Variants in UTS2B observed in about 807,000 individuals in gnomAD.
UTS2B encodes the protein urotensin 2B.
A neutral mutation model predicts 19.2 loss-of-function variants in UTS2B; 21 were observed. The ratio of observed to expected loss-of-function variants is 1.09; its 90% CI spans 0.78 to 1.58. The LOEUF is 1.58. UTS2B is among the 40% of genes most tolerant of loss of function. UTS2B has a pLI of 0.00. For missense variants in UTS2B, 138 were observed against 130.3 expected (o/e 1.06, Z -0.29); for synonymous variants, 57 against 50.2 (o/e 1.14, Z -0.58).
At chr3:191,314,923 A>ATCT (rs1334308568) in intron 3 of UTS2B, among the ~76,000 whole-genome samples, 5 of 152,082 alleles carry the variant, frequency 3.3e-5, no homozygotes, top group African/African-American at 1.2e-4. Flanking sequence ...TACGCATCTC[A>ATCT]TCTCTTCACC....
chr3:191,309,931 G>T (rs1480290223), intron 3 of UTS2B, among the ~76,000 whole-genome samples: 2 of 151,694 alleles, frequency 1.3e-5, no homozygotes, highest in Non-Finnish European at 2.9e-5. Flanking sequence ...CCAGTCTTGA[G>T]AATTTTTTTT....
At chr3:191,293,052 A>G (rs144642666) in intron 4 of UTS2B, among the ~76,000 whole-genome samples, 24 of 152,084 alleles carry the variant, frequency 1.6e-4, no homozygotes, top group African/African-American at 5.1e-4. Flanking sequence ...AATATGTTGT[A>G]TAACATTGAT....
intron 7 of UTS2B, 51 bp downstream of exon 7, chr3:191,276,756 T>G (rs1321118671): frequency 3.4e-6 from 5 of 1,481,610 alleles, no homozygotes; most frequent in Admixed American, 1.9e-5. Context: ...AAGAAGAAAT[T>G]TCCTTATAAT....
intron 8 of UTS2B, among the ~76,000 whole-genome samples, chr3:191,270,768 A>C (rs1158228085): frequency 6.6e-6 from 1 of 152,178 alleles, no homozygotes. Context: ...TACTGGATCT[A>C]TCATAGTGAA....
intron 4 of UTS2B, among the ~76,000 whole-genome samples, chr3:191,299,525 TG>T (rs1205926238): frequency 1.3e-5 from 2 of 152,274 alleles, no homozygotes; most frequent in East Asian, 3.8e-4. Flanking sequence ...AACCTGTGGG[TG>T]CACAGAGTGC....
At chr3:191,291,943 A>G (rs901528079) in intron 4 of UTS2B, among the ~76,000 whole-genome samples, 1 of 152,108 alleles carries the variant, frequency 6.6e-6, no homozygotes, top group African/African-American at 2.4e-5. Flanking sequence ...ATTTTATTCC[A>G]TTGACCAATT....
rs140042223 is a variant in UTS2B, at chr3:191,325,043, C to G, written c.-586+3588G>C. 6.4e-3 allele frequency among the ~76,000 whole-genome samples: 931 copies of G among 145,614 alleles called. 10 individuals carry two copies. The highest frequency in any genetic ancestry group is 0.021 in the African/African-American group (869 of 40,472). On this transcript the variant is annotated intron_variant, in intron 2 of 8. Coordinates refer to ENST00000340524, the MANE Select transcript of UTS2B (RefSeq NM_198152.5). ...CCAGCCTCAGTGACACAGTGAGACT[C>G]CATCTCAGGAAAAAAAAATAATATT...
the UTS2B span, among the ~76,000 whole-genome samples, chr3:191,345,105 G>A: frequency 3.9e-5 from 6 of 152,222 alleles, no homozygotes; most frequent in African/African-American, 1.4e-4. Context: ...GTTATGGGAT[G>A]TTTCTTGAGA....
chr3:191,324,520 T>G (rs1168844079), intron 2 of UTS2B, among the ~76,000 whole-genome samples: 1 of 152,068 alleles, frequency 6.6e-6, no homozygotes, highest in Non-Finnish European at 1.5e-5. Flanking sequence ...AGTGAATAAG[T>G]GTCATGAAAT....
chr3:191,295,658 TCAACCATGTCA>T (rs957902179), intron 4 of UTS2B, among the ~76,000 whole-genome samples: 2 of 151,982 alleles, frequency 1.3e-5, no homozygotes, highest in African/African-American at 4.9e-5. Flanking sequence ...ACAAGGCTTC[TCAACCATGTCA>T]CAAACTGAAC....
chr3:191,290,549 C>T (rs1250943850), intron 4 of UTS2B, among the ~76,000 whole-genome samples: 1 of 152,154 alleles, frequency 6.6e-6, no homozygotes, highest in Admixed American at 6.6e-5. Flanking sequence ...ATGCTTAACC[C>T]ACATGATCTC....
intron 4 of UTS2B, among the ~76,000 whole-genome samples, chr3:191,302,667 A>G (rs879325676): frequency 5.9e-5 from 9 of 152,176 alleles, no homozygotes; most frequent in Admixed American, 4.6e-4. Flanking sequence ...ATAAACTCAG[A>G]TTTATTGGCA....
rs1553836661 is a variant in UTS2B at position 191,329,405 on chromosome 3, C to T, written c.-664-696G>A. ...GACGGCCCCGGTCCATTTCCGGGCT[C>T]CGGATATTTGGTATCGATTGGGGCC... On this transcript the variant is annotated intron_variant, in intron 1 of 8. Transcript: ENST00000340524. 5 of 416,494 alleles carry T rather than the reference C, an allele frequency of 1.2e-5. No homozygotes were observed. In the South Asian group the frequency reaches 2.6e-4, roughly 21 times the overall value. 25.8% of individuals were successfully genotyped at this position (416,494 alleles called of 1,614,324 possible). A position where few individuals can be genotyped will look rare whatever the true frequency, so the allele number is the denominator to read the frequency against.
chr3:191,306,374 A>G (rs1268506337), intron 3 of UTS2B, among the ~76,000 whole-genome samples: 1 of 152,244 alleles, frequency 6.6e-6, no homozygotes, highest in African/African-American at 2.4e-5. Flanking sequence ...ATAATTAGGT[A>G]TAATGAGGAT....
intron 2 of UTS2B, among the ~76,000 whole-genome samples, chr3:191,320,621 A>G (rs1355630610): frequency 6.6e-6 from 1 of 152,210 alleles, no homozygotes; most frequent in East Asian, 1.9e-4. Flanking sequence ...CAAGTGAGAG[A>G]TGATGAGGGT....
At chr3:191,338,633 A>C in the UTS2B span, among the ~76,000 whole-genome samples, 6 of 152,124 alleles carry the variant, frequency 3.9e-5, no homozygotes, top group Non-Finnish European at 8.8e-5. Flanking sequence ...CATTATTTCA[A>C]ATTGGTCTTT....
At chr3:191,319,140 C>T (rs1465705837) in intron 2 of UTS2B, among the ~76,000 whole-genome samples, 1 of 152,050 alleles carries the variant, frequency 6.6e-6, no homozygotes, top group Non-Finnish European at 1.5e-5. Flanking sequence ...GCATTAGCTC[C>T]TTGTACTAAT....
chr3:191,288,512 T>C (rs2603669), intron 4 of UTS2B, among the ~76,000 whole-genome samples: 83,431 of 151,894 alleles, frequency 0.55, 23,478 homozygotes, highest in Middle Eastern at 0.64. Context: ...GCCAAGAACA[T>C]ACCACAGGGA....
intron 5 of UTS2B, among the ~76,000 whole-genome samples, chr3:191,280,126 T>C (rs569033442): frequency 4.1e-4 from 62 of 152,252 alleles, no homozygotes; most frequent in African/African-American, 1.4e-3. Context: ...TAGTTGTCTC[T>C]TTGCTTTCCA....
Sources: allele counts gnomAD v4.1 joint callset (sites outside exome capture counted in the v4.1 genomes callset), GRCh38; gene constraint gnomAD v4.1.1; transcripts MANE v1.5; gene names NCBI Gene and HGNC (gene_info 2026-07-23, HGNC 2026-07-21).